Variants in RUNDC3B observed in about 807,000 individuals in gnomAD.
The protein encoded by RUNDC3B is RUN domain-containing protein 3B.
In RUNDC3B, 33 loss-of-function variants were observed where a neutral mutation model predicts 58.4. The observed-to-expected ratio is 0.56, with a 90% confidence interval of 0.43 to 0.75. The LOEUF (loss-of-function observed/expected upper bound fraction) is 0.75, where lower values mean the gene tolerates loss of function less well. Among genes scored for constraint, RUNDC3B ranks in the 30% least tolerant of loss-of-function variants. RUNDC3B has a pLI of 0.00. For missense variants in RUNDC3B, 501 were observed against 535.7 expected, an observed-to-expected ratio of 0.94 and a Z score of 0.64; for synonymous variants, 193 against 195.2, an observed-to-expected ratio of 0.99 and a Z score of 0.10.
At chr7:87,686,165 C>A (rs1016586580) in intron 2 of RUNDC3B, among the ~76,000 whole-genome samples, 1 of 152,082 alleles carries the variant, frequency 6.6e-6, no homozygotes, top group African/African-American at 2.4e-5. Context: ...TTTTTTCTTA[C>A]AATTTTTCTA....
chr7:87,676,585 T>A (rs2130558709), intron 2 of RUNDC3B, among the ~76,000 whole-genome samples: 1 of 151,186 alleles, frequency 6.6e-6, no homozygotes, highest in East Asian at 2.0e-4. Context: ...ATGCCTGTAG[T>A]CCCAGCTACT....
chr7:87,675,937 C>T lies in RUNDC3B; in HGVS notation c.239-24484C>T, dbSNP rs966664053. On this transcript the variant is annotated intron_variant, in intron 2 of 10. Transcript: ENST00000394654. ...CGACATTAAACTGAGAAGTTTCAAG[C>T]CAAGTGTAGTGGCTCATACCTGTAA... Among the ~76,000 whole-genome samples, 10 of 152,140 alleles carry T rather than the reference C, an allele frequency of 6.6e-5. 1 individual carries two copies. The highest frequency in any genetic ancestry group is 3.3e-4 in the Admixed American group (5 of 15,266).
At chr7:87,773,529 T>G (rs1242985384) in intron 7 of RUNDC3B, among the ~76,000 whole-genome samples, 1 of 152,168 alleles carries the variant, frequency 6.6e-6, no homozygotes, top group Non-Finnish European at 1.5e-5. Flanking sequence ...GAACTTCGAT[T>G]AACACAATTA....
At chr7:87,785,678 G>T (rs1835173409) in intron 8 of RUNDC3B, among the ~76,000 whole-genome samples, 1 of 152,152 alleles carries the variant, frequency 6.6e-6, no homozygotes, top group Non-Finnish European at 1.5e-5. Flanking sequence ...CATGAGAAAG[G>T]GAGCACTACT....
At chr7:87,760,425 A>C (rs148435030) in intron 6 of RUNDC3B, among the ~76,000 whole-genome samples, 4 of 152,278 alleles carry the variant, frequency 2.6e-5, no homozygotes, top group African/African-American at 9.6e-5. Context: ...TGCAGATTCA[A>C]TTCAGTTGCT....
intron 6 of RUNDC3B, among the ~76,000 whole-genome samples, chr7:87,770,147 C>A (rs979325583): frequency 2.0e-5 from 3 of 152,048 alleles, no homozygotes; most frequent in African/African-American, 7.2e-5. Flanking sequence ...CTGTATTATA[C>A]CCCACTGTTA....
chr7:87,631,492 G>T (rs796652878), intron 1 of RUNDC3B, among the ~76,000 whole-genome samples: 1 of 152,118 alleles, frequency 6.6e-6, no homozygotes, highest in African/African-American at 2.4e-5. Context: ...CCGGGTTCAC[G>T]CCATTCTCCT....
intron 4 of RUNDC3B, among the ~76,000 whole-genome samples, chr7:87,738,166 T>C (rs770659323): frequency 7.9e-5 from 12 of 152,092 alleles, no homozygotes; most frequent in Middle Eastern, 3.2e-3. Flanking sequence ...TCCAAATTCA[T>C]ATGTCTCATA....
intron 7 of RUNDC3B, among the ~76,000 whole-genome samples, chr7:87,773,379 C>T (rs1834405185): frequency 1.3e-5 from 2 of 149,512 alleles, no homozygotes; most frequent in African/African-American, 4.9e-5. Flanking sequence ...CAGTGCTGGA[C>T]TTACATATAT....
Position 87,807,514 on chromosome 7 carries a change from G to C in RUNDC3B, c.1098G>C (p.Trp366Cys). The C allele has an allele frequency of 1.1e-5, 17 of 1,611,714 alleles. No individual in the cohort carries two copies. The highest frequency in any genetic ancestry group is 1.4e-5 in the Non-Finnish European group (17 of 1,177,950). Residue 366 changes from tryptophan to cysteine, a missense_variant, in exon 9 of 11, where the codon TGG becomes TGC. Trp to Cys is a radical substitution (Grantham distance 215). Coordinates refer to ENST00000394654, the MANE Select transcript of RUNDC3B (RefSeq NM_001134405.2). ...TLLYRKHNKQ[W>C]YEKSYQSLDQ... ...TTTACCGAAAACACAATAAACAGTG[G>C]TATGAGTAAGTGTAATACTTTTTTT... is the stretch of plus-strand genomic sequence containing the variant.
chr7:87,823,905 C>T (rs375582783), intron 10 of RUNDC3B, among the ~76,000 whole-genome samples: 5 of 151,504 alleles, frequency 3.3e-5, no homozygotes, highest in Middle Eastern at 3.4e-3. Flanking sequence ...CATTTGGGTT[C>T]GTTATACCTT....
intron 4 of RUNDC3B, among the ~76,000 whole-genome samples, chr7:87,717,278 A>C (rs1830602436): frequency 6.6e-6 from 1 of 152,196 alleles, no homozygotes; most frequent in African/African-American, 2.4e-5. Flanking sequence ...TTTATTAATA[A>C]AAATACAAAT....
At chr7:87,637,670 A>G (rs1040822939) in intron 1 of RUNDC3B, among the ~76,000 whole-genome samples, 2 of 152,004 alleles carry the variant, frequency 1.3e-5, no homozygotes, top group African/African-American at 4.8e-5. Context: ...ATATATTTTT[A>G]TATTATGGTA....
chr7:87,738,586 C>CT (rs1832127247), intron 4 of RUNDC3B, among the ~76,000 whole-genome samples: 1 of 151,752 alleles, frequency 6.6e-6, no homozygotes, highest in Non-Finnish European at 1.5e-5. Flanking sequence ...ACATTAAGTT[C>CT]TTTTAAAATA....
chr7:87,802,874 T>C (rs1266038261), intron 8 of RUNDC3B, among the ~76,000 whole-genome samples: 1 of 152,082 alleles, frequency 6.6e-6, no homozygotes, highest in Admixed American at 6.6e-5. Flanking sequence ...TGGTCCCAGC[T>C]ATTGGGAGAT....
chr7:87,798,552 A>G (rs774429923), intron 8 of RUNDC3B, among the ~76,000 whole-genome samples: 2 of 152,060 alleles, frequency 1.3e-5, no homozygotes, highest in African/African-American at 4.8e-5. Context: ...TTTGTTTTTG[A>G]TAACTCTTAC....
At chr7:87,652,251 A>G (rs1563104621) in intron 2 of RUNDC3B, among the ~76,000 whole-genome samples, 1 of 152,044 alleles carries the variant, frequency 6.6e-6, no homozygotes. Context: ...TCTCACAAAA[A>G]CTATCAATAG....
At chr7:87,771,883 C>T (rs1031618565) in intron 7 of RUNDC3B, among the ~76,000 whole-genome samples, 5 of 152,122 alleles carry the variant, frequency 3.3e-5, no homozygotes, top group African/African-American at 1.2e-4. Flanking sequence ...TATGGGGTGA[C>T]ATTGGTACAC....
At chr7:87,698,222 C>A (rs953422156) in intron 2 of RUNDC3B, among the ~76,000 whole-genome samples, 1 of 152,166 alleles carries the variant, frequency 6.6e-6, no homozygotes, top group Non-Finnish European at 1.5e-5. Flanking sequence ...GCCTCAGCCT[C>A]CCGAGTAGCT....
Sources: gnomAD v4.1 joint callset for allele counts (sites outside exome capture counted in the v4.1 genomes callset) on GRCh38, gnomAD v4.1.1 for gene constraint, MANE v1.5 for transcripts, NCBI Gene and HGNC (gene_info 2026-07-23, HGNC 2026-07-21) for gene names.